ASTN1: variants seen among roughly 807,000 people sequenced by gnomAD.
ASTN1 encodes the protein astrotactin-1.
A neutral mutation model predicts 140.7 loss-of-function variants in ASTN1; 41 were observed. That is an observed-to-expected ratio of 0.29 (90% confidence interval 0.23 to 0.38). The LOEUF is 0.38. ASTN1 is among the 10% of genes least tolerant of loss of function. ASTN1 has a pLI of 1.00. For synonymous variants in ASTN1, 640 were observed against 652.2 expected (o/e 0.98, Z 0.29); for missense variants, 1,479 against 1,678.8 (o/e 0.88, Z 2.08).
At chr1:176,985,178 CA>C (rs1673828063) in intron 8 of ASTN1, among the ~76,000 whole-genome samples, 1 of 152,168 alleles carries the variant, frequency 6.6e-6, no homozygotes, top group African/African-American at 2.4e-5. Flanking sequence ...TTTCATCTGC[CA>C]GGGGTAAAAC....
At chr1:176,950,127 C>A (rs1251152667) in intron 11 of ASTN1, among the ~76,000 whole-genome samples, 2 of 152,190 alleles carry the variant, frequency 1.3e-5, no homozygotes, top group Admixed American at 1.3e-4. Context: ...TGTCTTTTCC[C>A]AGGAGAAGAC....
At chr1:176,996,310 C>CACAGAG (rs760390036) in intron 8 of ASTN1, among the ~76,000 whole-genome samples, 118 of 126,558 alleles carry the variant, frequency 9.3e-4, no homozygotes, top group Non-Finnish European at 1.4e-3. Context: ...CACACACACA[C>CACAGAG]AGAGAGAGAG....
chr1:177,067,874 G>T (rs1045509231), intron 1 of ASTN1, among the ~76,000 whole-genome samples: 1 of 152,032 alleles, frequency 6.6e-6, no homozygotes, highest in Non-Finnish European at 1.5e-5. Flanking sequence ...GTGAGGAAAT[G>T]AGACTAACCC....
downstream of ASTN1, chr1:176,857,629 A>G (rs767452527): frequency 2.4e-5 from 15 of 625,990 alleles, no homozygotes; most frequent in African/African-American, 2.4e-4. Flanking sequence ...AACTCCTCTG[A>G]CTGTCCCAAC....
At chr1:176,890,776 A>G (rs1330995481) in intron 17 of ASTN1, among the ~76,000 whole-genome samples, 1 of 152,226 alleles carries the variant, frequency 6.6e-6, no homozygotes, top group Non-Finnish European at 1.5e-5. Context: ...CTGTAATCCC[A>G]GCACTTTGAG....
chr1:176,919,054 C>T (rs539937021), intron 16 of ASTN1, among the ~76,000 whole-genome samples: 27 of 152,334 alleles, frequency 1.8e-4, no homozygotes, highest in African/African-American at 5.8e-4. Context: ...CCCTGTTACC[C>T]ATCCTAGCAT....
At chr1:177,156,954 G>A (rs373685301) in intron 1 of ASTN1, among the ~76,000 whole-genome samples, 220 of 152,256 alleles carry the variant, frequency 1.4e-3, no homozygotes, top group African/African-American at 5.0e-3. Context: ...ATTCTACAAA[G>A]TACCTGACTA....
At chr1:176,930,461 A>G (rs1286664488) in intron 16 of ASTN1, among the ~76,000 whole-genome samples, 6 of 152,210 alleles carry the variant, frequency 3.9e-5, no homozygotes, top group Admixed American at 2.6e-4. Flanking sequence ...GAGACTCACT[A>G]AGGACAAAAC....
chr1:176,985,870 A>G (rs1673878245), intron 8 of ASTN1, among the ~76,000 whole-genome samples: 2 of 150,190 alleles, frequency 1.3e-5, no homozygotes, highest in Non-Finnish European at 3.0e-5. Flanking sequence ...ACACACACAC[A>G]CACACACACA....
intron 5 of ASTN1, among the ~76,000 whole-genome samples, chr1:177,027,085 A>G (rs1366887319): frequency 6.6e-6 from 1 of 152,162 alleles, no homozygotes; most frequent in Non-Finnish European, 1.5e-5. Flanking sequence ...CAAGACCATC[A>G]TAGTTTATGT....
Position 177,082,171 on chromosome 1 carries a change from G to A in ASTN1, c.284-20906C>T, listed in dbSNP as rs146508988. ...TGCATAGGAAAATTCTTGTCTAAAG[G>A]CATGCACAAGTGATGGTAAGTGGAA... On this transcript the variant is annotated intron_variant, in intron 1 of 22. Transcript: ENST00000361833. Among the ~76,000 whole-genome samples, 73 of 152,258 alleles carry A rather than the reference G, an allele frequency of 4.8e-4. 1 individual carries two copies. The East Asian group carries it at 0.014, about 28-fold the overall frequency.
At chr1:177,127,673 G>A (rs186045249) in intron 1 of ASTN1, among the ~76,000 whole-genome samples, 3 of 152,302 alleles carry the variant, frequency 2.0e-5, no homozygotes, top group Admixed American at 6.5e-5. Context: ...GGGTATTGCC[G>A]ATACTTGTGC....
intron 8 of ASTN1, among the ~76,000 whole-genome samples, chr1:176,993,029 T>C (rs1285053131): frequency 1.3e-5 from 2 of 152,222 alleles, no homozygotes; most frequent in Non-Finnish European, 2.9e-5. Context: ...CTCTCTGCCA[T>C]GTAGGAACCT....
chr1:177,079,334 G>T (rs1679069055), intron 1 of ASTN1, among the ~76,000 whole-genome samples: 1 of 152,160 alleles, frequency 6.6e-6, no homozygotes, highest in Non-Finnish European at 1.5e-5. Context: ...GGGGTTTGTG[G>T]AATCAGAAAG....
At chr1:176,905,817 T>G (rs2103053089) in intron 16 of ASTN1, among the ~76,000 whole-genome samples, 1 of 152,350 alleles carries the variant, frequency 6.6e-6, no homozygotes, top group Admixed American at 6.5e-5. Context: ...TCTCCCAGCC[T>G]TAATGAAGCT....
At chr1:176,920,869 A>G (rs1670695394) in intron 16 of ASTN1, among the ~76,000 whole-genome samples, 1 of 152,248 alleles carries the variant, frequency 6.6e-6, no homozygotes, top group South Asian at 2.1e-4. Context: ...ATACATCATT[A>G]TTGCAAAGGA....
intron 5 of ASTN1, among the ~76,000 whole-genome samples, chr1:177,027,140 T>G (rs1254028646): frequency 1.3e-5 from 2 of 152,184 alleles, no homozygotes; most frequent in African/African-American, 2.4e-5. Flanking sequence ...CAGAAGGCCA[T>G]TTTGTCACCT....
chr1:177,017,173 T>C (rs1675589267), intron 7 of ASTN1, among the ~76,000 whole-genome samples: 1 of 152,248 alleles, frequency 6.6e-6, no homozygotes. Context: ...GCCTTCGTAG[T>C]CATTATCTCC....
chr1:176,882,467 G>A (rs1668842734), intron 20 of ASTN1, among the ~76,000 whole-genome samples: 1 of 152,144 alleles, frequency 6.6e-6, no homozygotes, highest in African/African-American at 2.4e-5. Flanking sequence ...CAACATGACT[G>A]TTGGTTGAAA....
Sources: gnomAD v4.1 joint callset for allele counts (sites outside exome capture counted in the v4.1 genomes callset) on GRCh38, gnomAD v4.1.1 for gene constraint, MANE v1.5 for transcripts, NCBI Gene and HGNC (gene_info 2026-07-23, HGNC 2026-07-21) for gene names.